The following CALR3 variants were observed in gnomAD, a reference collection of about 807,000 sequenced individuals.
CALR3 encodes calreticulin-3.
Under a neutral mutation model 48.7 loss-of-function variants are expected in CALR3, and 39 were observed. That is an observed-to-expected ratio of 0.80 (90% CI 0.62 to 1.05). The LOEUF (loss-of-function observed/expected upper bound fraction) is 1.05. CALR3 is among the 50% of genes least tolerant of loss of function. The pLI is 0.00. For synonymous variants in CALR3, 185 were observed against 172.7 expected (o/e 1.07, Z -0.56); for missense variants, 449 against 474.7 (o/e 0.95, Z 0.50).
chr19:16,492,695 T>C (rs570398963), intron 2 of CALR3, among the ~76,000 whole-genome samples: 1 of 150,686 alleles, frequency 6.6e-6, no homozygotes, highest in East Asian at 2.0e-4. Context: ...AAACCCTGTC[T>C]CTACTAAAAA....
rs529555427 is a variant in CALR3 at position 16,480,310 on chromosome 19, G to C, written c.1011+304C>G. Among the ~76,000 whole-genome samples, 34 of 152,068 alleles carry C rather than the reference G, an allele frequency of 2.2e-4. No homozygotes were observed. The South Asian group carries it at 7.0e-3, about 32-fold the overall frequency. ...CTCACTCCTGTAATCCCAGCACTTT[G>C]GGAGGCCAAGGCAGGTGGATCACCT... On this transcript the variant is annotated intron_variant, in intron 8 of 8. Coordinates refer to ENST00000269881, the MANE Select transcript of CALR3 (RefSeq NM_145046.5).
Position 16,495,754 on chromosome 19 carries a change from T to C in CALR3, c.190A>G (p.Lys64Glu), listed in dbSNP as rs2122153940. Reference sequence around the variant, plus strand: ...TTGGTCCTGATTCTACACTAACCTTTATCTTTCTCTTTATGACCATAAAAC... The same window carrying C: ...TTGGTCCTGATTCTACACTAACCTTCATCTTTCTCTTTATGACCATAAAAC... Reference protein sequence around the residue: ...GKFYGHKEKDKGLQTTQNGRF... With the variant: ...GKFYGHKEKDEGLQTTQNGRF... Residue 64 changes from lysine (K) to glutamate (E), a missense_variant, in exon 2 of 9, where the codon AAA becomes GAA. Coordinates refer to ENST00000269881, the MANE Select transcript of CALR3 (RefSeq NM_145046.5). The C allele has an allele frequency of 6.2e-7, 1 of 1,612,514 alleles. No individual in the cohort carries two copies. Among genetic ancestry groups the C allele is most frequent in the East Asian group, 2.2e-5 (1 of 44,874 alleles).
chr19:16,484,547 T>A (rs1011997871), intron 4 of CALR3, among the ~76,000 whole-genome samples: 2 of 152,104 alleles, frequency 1.3e-5, no homozygotes, highest in Non-Finnish European at 2.9e-5. Context: ...AGACAGGGTC[T>A]TGCTCTGTCA....
chr19:16,482,912 A>G, intron 5 of CALR3, 127 bp from the exon 6 acceptor site: 3 of 846,048 alleles, frequency 3.5e-6, no homozygotes, highest in Non-Finnish European at 5.8e-6. Flanking sequence ...TTGTGCAATC[A>G]TGGCTCACTG....
chr19:16,490,613 C>T (rs140489796), intron 2 of CALR3, 43 bp from the exon 3 acceptor site: 343 of 1,525,856 alleles, frequency 2.2e-4, no homozygotes, highest in African/African-American at 1.9e-3. Flanking sequence ...AATGACGCTG[C>T]GCTAAGTAAC....
intron 5 of CALR3, among the ~76,000 whole-genome samples, chr19:16,483,166 G>A (rs2093383724): frequency 6.6e-6 from 1 of 152,096 alleles, no homozygotes; most frequent in Non-Finnish European, 1.5e-5. Context: ...TTTGAGAAAG[G>A]AAATTATTAG....
intron 8 of CALR3, among the ~76,000 whole-genome samples, chr19:16,479,547 T>C (rs1254498408): frequency 6.8e-6 from 1 of 147,098 alleles, no homozygotes; most frequent in Admixed American, 6.8e-5. Context: ...GAGATCACTC[T>C]ACTGCACTCC....
intron 3 of CALR3, among the ~76,000 whole-genome samples, chr19:16,487,945 A>C (rs1030739006): frequency 6.6e-6 from 1 of 151,304 alleles, no homozygotes; most frequent in African/African-American, 2.4e-5. Flanking sequence ...TCCCGAGTAG[A>C]TGGGACTACA....
intron 4 of CALR3, among the ~76,000 whole-genome samples, chr19:16,484,926 T>G (rs995260211): frequency 6.6e-6 from 1 of 152,118 alleles, no homozygotes; most frequent in African/African-American, 2.4e-5. Context: ...AATGATGACA[T>G]GTCATAGCTC....
chr19:16,483,299 C>A (rs1254439860), intron 5 of CALR3, among the ~76,000 whole-genome samples: 1 of 152,214 alleles, frequency 6.6e-6, no homozygotes, highest in Non-Finnish European at 1.5e-5. Flanking sequence ...CAGGGCAACA[C>A]CACACTGCCT....
rs761736548 is a variant in CALR3 at position 16,482,703 on chromosome 19, G to T, written c.761C>A (p.Pro254Gln). The T allele has an allele frequency of 6.2e-7, 1 of 1,613,898 alleles. No individual in the cohort carries two copies. The highest frequency in any genetic ancestry group is 8.5e-7 in the Non-Finnish European group (1 of 1,180,000). Residue 254 changes from proline (P) to glutamine (Q), a missense_variant, in exon 6 of 9, where the codon CCG becomes CAG. Pro to Gln is a moderately conservative substitution (Grantham distance 76, BLOSUM62 -1). Transcript: ENST00000269881. ...NGDLDGDWPA[P>Q]MLQKPPYQDG... ...CTGGTACGGGGGCTTCTGGAGCATC[G>T]GCGCTGGCCAGTCCCCATCCAGGTC...
intron 2 of CALR3, 105 bp downstream of exon 2, chr19:16,495,646 T>C: frequency 1.2e-6 from 1 of 819,568 alleles, no homozygotes; most frequent in Middle Eastern, 2.3e-4. Context: ...AATGTCTTCA[T>C]CTGTAAAACG....
chr19:16,489,561 G>A (rs2093394591), intron 3 of CALR3, among the ~76,000 whole-genome samples: 2 of 151,736 alleles, frequency 1.3e-5, no homozygotes, highest in Non-Finnish European at 2.9e-5. Flanking sequence ...GGAGGTTGCA[G>A]TGAGCCGAGA....
intron 2 of CALR3, among the ~76,000 whole-genome samples, chr19:16,493,550 T>C (rs1339243483): frequency 1.4e-5 from 2 of 143,948 alleles, no homozygotes; most frequent in Admixed American, 7.0e-5. Flanking sequence ...GAATTTTTTT[T>C]TTTTTTTTTT....
chr19:16,485,203 T>C lies in CALR3; in HGVS notation c.452A>G (p.Lys151Arg), dbSNP rs1297452902. ...IKKVHVILHF[K>R]NKYHENKKLI... is the part of the protein sequence containing the mutation. Reference sequence around the variant, plus strand: ...TTTCTTGTTTTCGTGATACTTATTCTTGAAATGTAAAATAACATGAACTTT... The same window carrying C: ...TTTCTTGTTTTCGTGATACTTATTCCTGAAATGTAAAATAACATGAACTTT... The change falls in exon 4 of 9, where the codon AAG (lysine) becomes AGG (arginine). Residue 151 changes from lysine (K) to arginine (R), a missense_variant. Transcript: ENST00000269881. 2 of 1,610,898 alleles carry C rather than the reference T, an allele frequency of 1.2e-6. No individual in the cohort carries two copies. Among genetic ancestry groups the C allele is most frequent in the Admixed American group, 3.3e-5 (2 of 59,976 alleles).
At chr19:16,492,559 T>C (rs1229862536) in intron 2 of CALR3, among the ~76,000 whole-genome samples, 3 of 151,022 alleles carry the variant, frequency 2.0e-5, no homozygotes, top group East Asian at 2.0e-4. Context: ...GGAGAAACCC[T>C]GTCTCTACTA....
chr19:16,479,073 A>T lies in CALR3; in HGVS notation c.*58T>A. 3 of 1,602,146 alleles carry T rather than the reference A, an allele frequency of 1.9e-6. No individual in the cohort carries two copies. Among genetic ancestry groups the T allele is most frequent in the Non-Finnish European group, 2.6e-6 (3 of 1,169,280 alleles). ...TGCCATGTAGACATTTGAGTTTGAA[A>T]CATAGATTAAAGTAGCAATGAGATT... On this transcript the variant is annotated 3_prime_UTR_variant, in exon 9 of 9. Transcript: ENST00000269881.
chr19:16,485,304 C>T (rs1022037231), intron 3 of CALR3, 47 bp from the exon 4 acceptor site: 1 of 1,234,922 alleles, frequency 8.1e-7, no homozygotes. Flanking sequence ...TAATGCATCA[C>T]CGTAGAATAA....
chr19:16,480,677 A>G lies in CALR3; in HGVS notation c.948T>C (p.Phe316=). ...CGTACTCTTCATCATCTGTGATCAG[A>G]AAGTTATCAAAAATGGTTCCAGATC... is the stretch of plus-strand genomic sequence containing the variant. ...QVRSGTIFDN[F]LITDDEEYAD... Residue 316 remains phenylalanine, a synonymous_variant, in exon 8 of 9, where the codon TTT becomes TTC. Transcript: ENST00000269881. 6.2e-7 allele frequency: 1 copy of G among 1,613,918 alleles called. No homozygotes were observed. The highest frequency in any genetic ancestry group is 8.5e-7 in the Non-Finnish European group (1 of 1,179,790).
Sources: allele counts gnomAD v4.1 joint callset (sites outside exome capture counted in the v4.1 genomes callset), GRCh38; gene constraint gnomAD v4.1.1; transcripts MANE v1.5; gene names NCBI Gene and HGNC (gene_info 2026-07-23, HGNC 2026-07-21).